Variants in ACOX2 observed in about 807,000 individuals in gnomAD.
ACOX2 encodes the protein acyl-CoA oxidase 2.
ACOX2 carries 59 observed loss-of-function variants against 77.5 expected under a neutral mutation model. That is an observed-to-expected ratio of 0.76 (90% CI 0.62 to 0.95). ACOX2 has a LOEUF of 0.95. Among genes scored for constraint, ACOX2 ranks in the 40% least tolerant of loss-of-function variants. ACOX2 has a pLI of 0.00. For synonymous variants in ACOX2, 317 were observed against 340.1 expected, an observed-to-expected ratio of 0.93 and a Z score of 0.75; for missense variants, 837 against 880.4, an observed-to-expected ratio of 0.95 and a Z score of 0.62.
At position 58,526,481 on chromosome 3, in the gene ACOX2, T is replaced by G. The variant is rs778713535; in HGVS notation, c.1331A>C (p.Tyr444Ser). ...CTYEGENTVL[Y>S]LQVARFLVKS... ...TGGACCTTACCTGGCCACCTGCAGG[T>G]AGAGCACTGTGTTCTCACCCTCGTA... Residue 444 changes from tyrosine (Y) to serine (S), a missense_variant, in exon 10 of 15, where the codon TAC (tyrosine) becomes TCC (serine). Physicochemically the swap from Tyr to Ser is moderately radical, Grantham distance 144 (BLOSUM62 -2). Transcript: ENST00000302819. The surrounding 1 kb of genome is among the most constrained non-coding windows in gnomAD (Gnocchi z 4.3). The G allele has an allele frequency of 6.2e-7, 1 of 1,613,434 alleles. No individual in the cohort carries two copies. The highest frequency in any genetic ancestry group is 1.7e-5 in the Admixed American group (1 of 59,938).
intron 9 of ACOX2, among the ~76,000 whole-genome samples, chr3:58,527,237 C>T (rs2063401955): frequency 1.3e-5 from 2 of 152,032 alleles, no homozygotes. Flanking sequence ...TCAGTGCCCT[C>T]ATGAAAGAGG....
chr3:58,511,410 T>C, intron 13 of ACOX2: 1 of 276,818 alleles, frequency 3.6e-6, no homozygotes. Flanking sequence ...TGATGGCACC[T>C]CAGTCCATTC....
In ACOX2 at chr3:58,512,939, A is replaced by G. The variant is rs2063298309; in HGVS notation, c.1851-3914T>C. Among the ~76,000 whole-genome samples the G allele has an allele frequency of 6.6e-6, 1 of 152,218 alleles. No homozygotes were observed. Among genetic ancestry groups the G allele is most frequent in the Non-Finnish European group, 1.5e-5 (1 of 68,036 alleles). On this transcript the variant is annotated intron_variant, in intron 13 of 14. Coordinates refer to ENST00000302819, the MANE Select transcript of ACOX2 (RefSeq NM_003500.4). The surrounding 1 kb of genome is among the most constrained non-coding windows in gnomAD (Gnocchi z 4.8). The stretch of plus-strand genomic sequence containing the variant: ...CACATGATGACAGACTCACCTGAAG[A>G]CACATTTCTCAGAACGGATCCTCCA...
chr3:58,511,005 T>C (rs2063282903), intron 13 of ACOX2: 1 of 456,656 alleles, frequency 2.2e-6, no homozygotes. Flanking sequence ...AGATTGACAC[T>C]ATCCACCTTT....
At position 58,505,141 on chromosome 3, in the gene ACOX2, T is replaced by C; in HGVS notation, c.*83A>G. ...ATGACTCTAAAACATAAATATCTAATTTAAAATTTTAATGTTGCATATATG... is the reference window on the plus strand; with the variant it reads ...ATGACTCTAAAACATAAATATCTAACTTAAAATTTTAATGTTGCATATATG... On this transcript the variant is annotated 3_prime_UTR_variant, in exon 15 of 15. Coordinates refer to ENST00000302819, the MANE Select transcript of ACOX2 (RefSeq NM_003500.4). This position sits in a 1 kb window ranked among gnomAD's most constrained non-coding sequence, Gnocchi z 4.4. 1.7e-6 allele frequency: 2 copies of C among 1,149,002 alleles called. No individual in the cohort carries two copies. The highest frequency in any genetic ancestry group is 2.5e-6 in the Non-Finnish European group (2 of 791,954). 71.2% of individuals were successfully genotyped at this position (1,149,002 alleles called of 1,614,324 possible). A position where few individuals can be genotyped will look rare whatever the true frequency, so the allele number is the denominator to read the frequency against.
At position 58,526,709 on chromosome 3, in the gene ACOX2, G is replaced by T; in HGVS notation, c.1156-53C>A. The T allele has an allele frequency of 1.3e-6, 2 of 1,573,306 alleles. No homozygotes were observed. The highest frequency in any genetic ancestry group is 1.2e-5 in the South Asian group (1 of 85,310). On this transcript the variant is annotated intron_variant, in intron 9 of 14. Transcript: ENST00000302819. The surrounding 1 kb of genome is among the most constrained non-coding windows in gnomAD (Gnocchi z 4.3). ...GGTGTTAGGGGGCCTCCACCATAGG[G>T]ACCAACCCTGTGCACCACTTACTGA...
Position 58,525,734 on chromosome 3 carries a change from C to G in ACOX2, c.1346+732G>C, listed in dbSNP as rs1236204296. On this transcript the variant is annotated intron_variant, in intron 10 of 14. Coordinates refer to ENST00000302819, the MANE Select transcript of ACOX2 (RefSeq NM_003500.4). This position sits in a 1 kb window ranked among gnomAD's most constrained non-coding sequence, Gnocchi z 5.0. ...GAAGTGTGTGGCCGGCAGAAGTGAG[C>G]AGAGGTGGCTGGGTGCGGTGGCTTG... 2.6e-5 allele frequency among the ~76,000 whole-genome samples: 4 copies of G among 152,298 alleles called. No homozygotes were observed. The East Asian group carries it at 7.7e-4, about 29-fold the overall frequency.
Position 58,505,415 on chromosome 3 carries a change from T to C in ACOX2, c.1984-129A>G, listed in dbSNP as rs1489085105. ...AAGATTCTTAATTTTAAAAATTATT[T>C]CTAAGACTCATTTTGTGTGAACATA... is the stretch of plus-strand genomic sequence containing the variant. On this transcript the variant is annotated intron_variant, in intron 14 of 14. Transcript: ENST00000302819. The surrounding 1 kb of genome is among the most constrained non-coding windows in gnomAD (Gnocchi z 4.4). 1 of 732,804 alleles carries C rather than the reference T, an allele frequency of 1.4e-6. No individual in the cohort carries two copies. Among genetic ancestry groups the C allele is most frequent in the African/African-American group, 1.8e-5 (1 of 55,028 alleles). The allele number at this position is 732,804 out of a possible 1,614,324, so 45.4% of individuals were successfully genotyped here.
In ACOX2 at chr3:58,528,362, A is replaced by G; in HGVS notation, c.1155+432T>C. 6.6e-6 allele frequency among the ~76,000 whole-genome samples: 1 copy of G among 152,322 alleles called. No homozygotes were observed. The highest frequency in any genetic ancestry group is 1.9e-4 in the East Asian group (1 of 5,188). ...CCAAGTGGCATTTAAAGTGCATTTT[A>G]TATAATAGCCCCAGTGGGGTTTGGG... On this transcript the variant is annotated intron_variant, in intron 9 of 14. Coordinates refer to ENST00000302819, the MANE Select transcript of ACOX2 (RefSeq NM_003500.4). The surrounding 1 kb of genome is among the most constrained non-coding windows in gnomAD (Gnocchi z 5.6).
In ACOX2 at chr3:58,526,558, T is replaced by C. The variant is rs13097249; in HGVS notation, c.1254A>G (p.Ser418=). The C allele has an allele frequency of 0.046, 73,735 of 1,614,110 alleles. 2,105 individuals are homozygous for C. The highest frequency in any genetic ancestry group is 0.12 in the African/African-American group (9,221 of 74,998). ...CCAGTGATGGCAGGCCACTCAGCTTTGAGTAGCCATGTCCGCCACAGGCCC... is the reference window on the plus strand; with the variant it reads ...CCAGTGATGGCAGGCCACTCAGCTTCGAGTAGCCATGTCCGCCACAGGCCC... The part of the protein sequence containing the change: ...CRRACGGHGY[S]KLSGLPSLVT... The change falls in exon 10 of 15, where the codon TCA becomes TCG. Residue 418 remains serine (S), a synonymous_variant. Coordinates refer to ENST00000302819, the MANE Select transcript of ACOX2 (RefSeq NM_003500.4). This position sits in a 1 kb window ranked among gnomAD's most constrained non-coding sequence, Gnocchi z 4.3.
intron 12 of ACOX2, among the ~76,000 whole-genome samples, chr3:58,520,168 C>A (rs191307469): frequency 1.1e-3 from 171 of 152,344 alleles, no homozygotes; most frequent in Non-Finnish European, 2.2e-3. Flanking sequence ...CTAAGTTTTA[C>A]TTATTTAATC....
At position 58,522,629 on chromosome 3, in the gene ACOX2, CT is replaced by C; in HGVS notation, c.1527-29del. 1 of 1,604,980 alleles carries C rather than the reference CT, an allele frequency of 6.2e-7. No individual in the cohort carries two copies. The highest frequency in any genetic ancestry group is 8.5e-7 in the Non-Finnish European group (1 of 1,171,706). On this transcript the variant is annotated intron_variant, in intron 11 of 14. Transcript: ENST00000302819. The surrounding 1 kb of genome is among the most constrained non-coding windows in gnomAD (Gnocchi z 4.3). ...GAAAGCCAAAGCAAAAAAGGTTCAG[CT>C]TCCTGACTGAGTGGAAAAGACAACT... is the stretch of plus-strand genomic sequence containing the variant.
rs1577002193 is a variant in ACOX2 at position 58,533,555 on chromosome 3, T to G, written c.476-3A>C. 3 of 1,613,620 alleles carry G rather than the reference T, an allele frequency of 1.9e-6. 1 individual carries two copies. In the South Asian group the frequency reaches 3.3e-5, roughly 18 times the overall value. ...CTCCAGGCCCTGAAGATATGTCCCTTAGGATCAAGGAGAGGTGTTAGACAT... is the reference window on the plus strand; with the variant it reads ...CTCCAGGCCCTGAAGATATGTCCCTGAGGATCAAGGAGAGGTGTTAGACAT... On this transcript the variant is annotated splice_polypyrimidine_tract_variant and splice_region_variant and intron_variant, in intron 4 of 14. Coordinates refer to ENST00000302819, the MANE Select transcript of ACOX2 (RefSeq NM_003500.4). This position sits in a 1 kb window ranked among gnomAD's most constrained non-coding sequence, Gnocchi z 5.6.
In ACOX2 at chr3:58,508,668, G is replaced by A. The variant is rs12636135; in HGVS notation, c.1983+225C>T. Among the ~76,000 whole-genome samples, 24 of 152,202 alleles carry A rather than the reference G, an allele frequency of 1.6e-4. No homozygotes were observed. The East Asian group carries it at 4.4e-3, about 28-fold the overall frequency. On this transcript the variant is annotated intron_variant, in intron 14 of 14. Coordinates refer to ENST00000302819, the MANE Select transcript of ACOX2 (RefSeq NM_003500.4). ...CTCTTAATTCCCTTTACTAAGTTCC[G>A]AGCAGTGCATTTTGCTGATTACAAT...
Position 58,524,679 on chromosome 3 carries a change from G to A in ACOX2, c.1347-74C>T. ...CAGCCCAGCACCCCTCACTCCCAGAGACAGGCAAGCTCATGCTAGGTTCCA... is the reference window on the plus strand; with the variant it reads ...CAGCCCAGCACCCCTCACTCCCAGAAACAGGCAAGCTCATGCTAGGTTCCA... On this transcript the variant is annotated intron_variant, in intron 10 of 14. Transcript: ENST00000302819. This position sits in a 1 kb window ranked among gnomAD's most constrained non-coding sequence, Gnocchi z 5.5. The A allele has an allele frequency of 6.8e-7, 1 of 1,477,886 alleles. No homozygotes were observed. The highest frequency in any genetic ancestry group is 9.2e-7 in the Non-Finnish European group (1 of 1,083,970). 91.5% of individuals were successfully genotyped at this position (1,477,886 alleles called of 1,614,324 possible). A position where few individuals can be genotyped will look rare whatever the true frequency, so the allele number is the denominator to read the frequency against.
At chr3:58,517,926 T>G (rs984159238) in intron 12 of ACOX2, among the ~76,000 whole-genome samples, 1 of 151,252 alleles carries the variant, frequency 6.6e-6, no homozygotes, top group African/African-American at 2.4e-5. Context: ...AATGCAAAAA[T>G]TAGCCAGGCA....
intron 8 of ACOX2, among the ~76,000 whole-genome samples, chr3:58,530,131 G>A (rs752188734): frequency 2.0e-5 from 3 of 152,264 alleles, no homozygotes; most frequent in Admixed American, 6.5e-5. Flanking sequence ...CGTCACAGCC[G>A]CACAGAACAC....
rs745561343 is a variant in ACOX2, at chr3:58,530,549, C to T, written c.909G>A (p.Gly303=). The T allele has an allele frequency of 1.3e-5, 21 of 1,614,144 alleles. No individual in the cohort carries two copies. The highest frequency in any genetic ancestry group is 2.2e-5 in the East Asian group (1 of 44,890). ...MVVVRVELLS[G]EILPILQKAC... ...CCTTCTGCAGTATAGGGAGGATCTC[C>T]CCTGACAGCAGCTCCACCCGCACCA... The change falls in exon 8 of 15, where the codon GGG becomes GGA. Residue 303 remains glycine, a synonymous_variant. Coordinates refer to ENST00000302819, the MANE Select transcript of ACOX2 (RefSeq NM_003500.4).
At position 58,512,817 on chromosome 3, in the gene ACOX2, G is replaced by C. The variant is rs1305613424; in HGVS notation, c.1851-3792C>G. Among the ~76,000 whole-genome samples, 1 of 152,194 alleles carries C rather than the reference G, an allele frequency of 6.6e-6. No individual in the cohort carries two copies. ...TTGCTTAGTGATTGATGTTAGAATT[G>C]GCTGCAGTATTCAGAACAGCAACAT... On this transcript the variant is annotated intron_variant, in intron 13 of 14. Coordinates refer to ENST00000302819, the MANE Select transcript of ACOX2 (RefSeq NM_003500.4). This position sits in a 1 kb window ranked among gnomAD's most constrained non-coding sequence, Gnocchi z 4.8.
Sources: gnomAD v4.1 joint callset for allele counts (sites outside exome capture counted in the v4.1 genomes callset) on GRCh38, gnomAD v4.1.1 for gene constraint, Gnocchi (gnomAD v3.1) non-coding constraint, MANE v1.5 for transcripts, NCBI Gene and HGNC (gene_info 2026-07-23, HGNC 2026-07-21) for gene names.